Variants in KATNIP observed in about 807,000 individuals in gnomAD.
The protein encoded by KATNIP is katanin interacting protein, also known as katanin-interacting protein.
In KATNIP, 126 loss-of-function variants were observed where a neutral mutation model predicts 174.0. The ratio of observed to expected loss-of-function variants is 0.72; its 90% CI spans 0.63 to 0.84. The LOEUF is 0.84. KATNIP is among the 40% of genes least tolerant of loss of function. KATNIP has a pLI of 0.00. For missense variants in KATNIP, 1,958 were observed against 2,109.7 expected, an observed-to-expected ratio of 0.93 and a Z score of 1.41; for synonymous variants, 810 against 835.7, an observed-to-expected ratio of 0.97 and a Z score of 0.53.
chr16:27,690,569 T>C (rs2078696069), intron 8 of KATNIP, among the ~76,000 whole-genome samples: 1 of 152,202 alleles, frequency 6.6e-6, no homozygotes, highest in Non-Finnish European at 1.5e-5. Flanking sequence ...CCTGATGACG[T>C]TGGCCCATTT....
chr16:27,706,364 G>A (rs1421073636), intron 12 of KATNIP, among the ~76,000 whole-genome samples: 1 of 152,228 alleles, frequency 6.6e-6, no homozygotes, highest in African/African-American at 2.4e-5. Flanking sequence ...CAGCCGAGGG[G>A]ACAGGACACA....
At chr16:27,622,287 A>G (rs2076218333) in intron 3 of KATNIP, among the ~76,000 whole-genome samples, 1 of 152,046 alleles carries the variant, frequency 6.6e-6, no homozygotes, top group East Asian at 1.9e-4. Flanking sequence ...GCAGAAAGTG[A>G]TTGTGTGCTC....
At chr16:27,632,026 G>A (rs1007226193) in intron 5 of KATNIP, among the ~76,000 whole-genome samples, 1 of 152,230 alleles carries the variant, frequency 6.6e-6, no homozygotes, top group African/African-American at 2.4e-5. Flanking sequence ...TGGAGGTTCA[G>A]AAAAGTTCAG....
At chr16:27,591,039 CAAG>C (rs2075144754) in intron 2 of KATNIP, among the ~76,000 whole-genome samples, 2 of 152,180 alleles carry the variant, frequency 1.3e-5, no homozygotes, top group South Asian at 4.1e-4. Context: ...GATTCATTCT[CAAG>C]GAGACTTCCT....
At chr16:27,707,575 G>A (rs1000208386) in intron 12 of KATNIP, among the ~76,000 whole-genome samples, 2 of 152,244 alleles carry the variant, frequency 1.3e-5, no homozygotes, top group African/African-American at 4.8e-5. Context: ...CCAGGCCGAG[G>A]GATGTCAAGT....
intron 8 of KATNIP, among the ~76,000 whole-genome samples, chr16:27,689,002 G>A (rs946561341): frequency 3.3e-5 from 5 of 152,310 alleles, no homozygotes; most frequent in African/African-American, 1.2e-4. Context: ...TGGGGTCATA[G>A]CCACCCAAAA....
At chr16:27,596,400 G>C (rs1023742382) in intron 2 of KATNIP, among the ~76,000 whole-genome samples, 1 of 152,148 alleles carries the variant, frequency 6.6e-6, no homozygotes, top group Non-Finnish European at 1.5e-5. Context: ...GAGAGAGTGA[G>C]AGCAGGCTTT....
chr16:27,660,592 T>TA (rs1459591031), intron 6 of KATNIP, among the ~76,000 whole-genome samples: 3 of 149,888 alleles, frequency 2.0e-5, no homozygotes, highest in Non-Finnish European at 4.4e-5. Context: ...TCGATGGGAG[T>TA]AGACGATACA....
intron 6 of KATNIP, among the ~76,000 whole-genome samples, chr16:27,674,600 A>G (rs2078042414): frequency 6.6e-6 from 1 of 152,164 alleles, no homozygotes; most frequent in Non-Finnish European, 1.5e-5. Context: ...TCTCATAAGG[A>G]CGCCTATGAT....
intron 11 of KATNIP, 45 bp downstream of exon 11, chr16:27,701,740 A>C: frequency 7.8e-7 from 1 of 1,285,238 alleles, no homozygotes; most frequent in Non-Finnish European, 1.1e-6. Context: ...TTAGCAGTGC[A>C]GCCATGGGGA....
intron 2 of KATNIP, among the ~76,000 whole-genome samples, chr16:27,612,837 C>T (rs553327035): frequency 5.9e-5 from 9 of 152,070 alleles, no homozygotes; most frequent in South Asian, 2.1e-4. Context: ...AAAGCAGGCA[C>T]GGTGCTACAT....
At chr16:27,561,432 T>G (rs903486973) in intron 1 of KATNIP, among the ~76,000 whole-genome samples, 2 of 152,118 alleles carry the variant, frequency 1.3e-5, no homozygotes, top group African/African-American at 4.8e-5. Flanking sequence ...TCCTCTGCTC[T>G]CCCATTAGCA....
intron 6 of KATNIP, among the ~76,000 whole-genome samples, chr16:27,654,974 T>G (rs549131641): frequency 5.3e-5 from 8 of 151,282 alleles, no homozygotes; most frequent in African/African-American, 1.9e-4. Flanking sequence ...CTAAAAATTT[T>G]TAAAATGTGC....
At chr16:27,713,822 A>ATGTGTGTGTGTGTGTG (rs1261504841) in intron 13 of KATNIP, among the ~76,000 whole-genome samples, 9 of 40,762 alleles carry the variant, frequency 2.2e-4, no homozygotes, top group Non-Finnish European at 3.1e-4. Context: ...ATATATATAT[A>ATGTGTGTGTGTGTGTG]TATATATATA....
chr16:27,609,695 AT>A (rs34407543), intron 2 of KATNIP, among the ~76,000 whole-genome samples: 2,771 of 130,872 alleles, frequency 0.021, 63 homozygotes, highest in African/African-American at 0.063. Flanking sequence ...CTGCCAAGTC[AT>A]TTTTTTTTTT....
intron 3 of KATNIP, among the ~76,000 whole-genome samples, chr16:27,626,323 A>G (rs1306939110): frequency 6.6e-6 from 1 of 151,140 alleles, no homozygotes; most frequent in African/African-American, 2.4e-5. Context: ...GAGTTTTGTT[A>G]TTACTGAACA....
At chr16:27,577,521 A>G (rs975962109) in intron 2 of KATNIP, among the ~76,000 whole-genome samples, 9 of 152,042 alleles carry the variant, frequency 5.9e-5, no homozygotes, top group East Asian at 5.8e-4. Context: ...GTGAAACCCT[A>G]TCTCTACTAA....
intron 14 of KATNIP, among the ~76,000 whole-genome samples, chr16:27,738,915 G>A (rs2080999227): frequency 6.6e-6 from 1 of 152,154 alleles, no homozygotes; most frequent in South Asian, 2.1e-4. Context: ...CCTGAGGGCA[G>A]CCTTCAACAA....
intron 18 of KATNIP, chr16:27,755,185 A>C (rs950089469): frequency 2.6e-5 from 4 of 151,064 alleles, no homozygotes; most frequent in African/African-American, 9.8e-5. Flanking sequence ...TCCCCTCCCC[A>C]CCTCCCCATC....
Sources: allele counts gnomAD v4.1 joint callset (sites outside exome capture counted in the v4.1 genomes callset), GRCh38; gene constraint gnomAD v4.1.1; transcripts MANE v1.5; gene names NCBI Gene and HGNC (gene_info 2026-07-23, HGNC 2026-07-21).